Variants in ECT2L observed in about 807,000 individuals in gnomAD.
ECT2L encodes epithelial cell transforming 2 like, also known as epithelial cell-transforming sequence 2 oncogene-like.
A neutral mutation model predicts 122.8 loss-of-function variants in ECT2L; 126 were observed. The observed-to-expected ratio is 1.03, with a 90% CI of 0.89 to 1.19. The LOEUF is 1.19. Among genes scored for constraint, ECT2L ranks in the 50% most tolerant of loss-of-function variants. The probability of loss-of-function intolerance (pLI) is 0.00; values close to 1 mark genes in which losing one functional copy is unlikely to be tolerated. For missense variants in ECT2L, 1,012 were observed against 1,064.1 expected (o/e 0.95, Z 0.68); for synonymous variants, 385 against 381.8 (o/e 1.01, Z -0.10).
chr6:138,899,329 ATCC>A (rs1779319697), intron 20 of ECT2L, among the ~76,000 whole-genome samples: 1 of 152,236 alleles, frequency 6.6e-6, no homozygotes, highest in Non-Finnish European at 1.5e-5. Context: ...TAAAAGTCCT[ATCC>A]ATTAACTTGA....
intron 14 of ECT2L, among the ~76,000 whole-genome samples, 188 bp from the exon 15 acceptor site, chr6:138,880,769 C>T (rs1778616344): frequency 6.6e-6 from 1 of 152,180 alleles, no homozygotes; most frequent in Admixed American, 6.5e-5. Context: ...ATCAGGCTGG[C>T]CCCATATGAG....
intron 5 of ECT2L, among the ~76,000 whole-genome samples, chr6:138,839,952 CTTTT>C (rs542019866): frequency 6.6e-6 from 1 of 151,976 alleles, no homozygotes; most frequent in Non-Finnish European, 1.5e-5. Context: ...AGTTTCCATG[CTTTT>C]TTTGTTAAAG....
At chr6:138,837,862 C>A (rs1199776139) in intron 4 of ECT2L, among the ~76,000 whole-genome samples, 2 of 150,332 alleles carry the variant, frequency 1.3e-5, no homozygotes, top group South Asian at 4.2e-4. Context: ...TATTCTTGTT[C>A]TTTGTCTTCC....
chr6:138,840,396 T>C (rs1421105706), intron 5 of ECT2L, among the ~76,000 whole-genome samples: 1 of 152,150 alleles, frequency 6.6e-6, no homozygotes, highest in African/African-American at 2.4e-5. Flanking sequence ...TTTCTGTAGT[T>C]CATTTTTTTC....
At chr6:138,839,131 ATT>A (rs2128387426) in intron 5 of ECT2L, among the ~76,000 whole-genome samples, 1 of 152,194 alleles carries the variant, frequency 6.6e-6, no homozygotes, top group South Asian at 2.1e-4. Flanking sequence ...GATTTTGTAT[ATT>A]ATCTCTGATA....
intron 4 of ECT2L, among the ~76,000 whole-genome samples, chr6:138,821,018 C>T (rs1776249869): frequency 6.6e-6 from 1 of 152,238 alleles, no homozygotes; most frequent in Admixed American, 6.5e-5. Context: ...CCCAGGTGAT[C>T]TGGTGTACAG....
chr6:138,806,123 C>A (rs1775702910), intron 1 of ECT2L, among the ~76,000 whole-genome samples: 1 of 152,198 alleles, frequency 6.6e-6, no homozygotes, highest in African/African-American at 2.4e-5. Flanking sequence ...GCAAATGAGG[C>A]TCCTTGTTCA....
At chr6:138,902,006 G>A (rs1367552038) in intron 21 of ECT2L, among the ~76,000 whole-genome samples, 1 of 152,226 alleles carries the variant, frequency 6.6e-6, no homozygotes. Flanking sequence ...TATGGTTAGT[G>A]TATGAAACAT....
intron 5 of ECT2L, among the ~76,000 whole-genome samples, chr6:138,839,875 A>G (rs1303467199): frequency 6.6e-6 from 1 of 152,112 alleles, no homozygotes; most frequent in African/African-American, 2.4e-5. Flanking sequence ...TTGAATTAAT[A>G]TTATCTTACC....
Position 138,844,509 on chromosome 6 carries a change from G to C in ECT2L, c.693G>C (p.Arg231Ser), listed in dbSNP as rs368929842. ...AACCACGCCTCTCCCAGACTGTAAG[G>C]GAGCGAGTGGGATTACATGAAGCTT... ...RCQPRLSQTV[R>S]ERVGLHEALE... The change falls in exon 7 of 22, where the codon AGG (arginine) becomes AGC (serine). Residue 231 changes from arginine (R) to serine (S), a missense_variant. Physicochemically the swap from Arg to Ser is moderately radical, Grantham distance 110. Transcript: ENST00000541398. 1.1e-5 allele frequency: 18 copies of C among 1,614,134 alleles called. No individual in the cohort carries two copies. The Admixed American group carries it at 3.0e-4, about 27-fold the overall frequency.
At chr6:138,835,779 A>C (rs1776814826) in intron 4 of ECT2L, among the ~76,000 whole-genome samples, 1 of 152,158 alleles carries the variant, frequency 6.6e-6, no homozygotes, top group African/African-American at 2.4e-5. Flanking sequence ...TGCAGACTCC[A>C]TTCCCATATT....
chr6:138,813,363 G>A, intron 3 of ECT2L, 23 bp downstream of exon 3: 1 of 1,566,356 alleles, frequency 6.4e-7, no homozygotes, highest in South Asian at 1.2e-5. Context: ...CTTTAAAACA[G>A]AACAAGTTTA....
At chr6:138,816,772 G>A (rs574219053) in intron 4 of ECT2L, among the ~76,000 whole-genome samples, 19 of 152,264 alleles carry the variant, frequency 1.2e-4, no homozygotes, top group East Asian at 3.9e-4. Flanking sequence ...GGCATGAGCC[G>A]CCGCGCCCGG....
At chr6:138,892,267 TTC>T (rs1339716880) in intron 20 of ECT2L, among the ~76,000 whole-genome samples, 12 of 152,148 alleles carry the variant, frequency 7.9e-5, no homozygotes, top group Non-Finnish European at 1.3e-4. Context: ...AGGCATTCAT[TTC>T]TGTTATATTT....
intron 1 of ECT2L, among the ~76,000 whole-genome samples, chr6:138,804,921 C>G (rs1295762928): frequency 1.3e-5 from 2 of 152,110 alleles, no homozygotes; most frequent in Admixed American, 6.6e-5. Context: ...TCACAGCACG[C>G]AGGGAAGTCT....
chr6:138,814,400 T>G, intron 3 of ECT2L, 91 bp from the exon 4 acceptor site: 7 of 707,544 alleles, frequency 9.9e-6, no homozygotes, highest in Non-Finnish European at 1.6e-5. Flanking sequence ...ATATTAGCTG[T>G]GAGGTTGCTG....
chr6:138,833,950 C>A (rs1356716376), intron 4 of ECT2L, among the ~76,000 whole-genome samples: 2 of 152,094 alleles, frequency 1.3e-5, no homozygotes, highest in African/African-American at 4.8e-5. Context: ...AACCAGAAAA[C>A]AGGGACCTCT....
chr6:138,826,209 C>T (rs17067939), intron 4 of ECT2L, among the ~76,000 whole-genome samples: 8,872 of 152,190 alleles, frequency 0.058, 373 homozygotes, highest in East Asian at 0.2. Flanking sequence ...TCTCTCAGCT[C>T]TCTTGCTCTG....
chr6:138,848,670 T>A (rs775260424), intron 8 of ECT2L, among the ~76,000 whole-genome samples: 14 of 152,220 alleles, frequency 9.2e-5, no homozygotes, highest in Non-Finnish European at 1.5e-4. Context: ...GATCAGATCC[T>A]TGATCTCCAT....
Sources: allele counts gnomAD v4.1 joint callset (sites outside exome capture counted in the v4.1 genomes callset), GRCh38; gene constraint gnomAD v4.1.1; transcripts MANE v1.5; gene names NCBI Gene and HGNC (gene_info 2026-07-23, HGNC 2026-07-21).